CENPK: variants seen among roughly 807,000 people sequenced by gnomAD.
CENPK encodes centromere protein K.
CENPK carries 46 observed loss-of-function variants against 40.9 expected under a neutral mutation model. The observed-to-expected ratio is 1.13, with a 90% CI of 0.89 to 1.44. The LOEUF (loss-of-function observed/expected upper bound fraction) is 1.44, where lower values mean the gene tolerates loss of function less well. Among genes scored for constraint, CENPK ranks in the 40% most tolerant of loss-of-function variants. The pLI is 0.00. For synonymous variants in CENPK, 107 were observed against 104.4 expected, an observed-to-expected ratio of 1.02 and a Z score of -0.15; for missense variants, 288 against 303.5, an observed-to-expected ratio of 0.95 and a Z score of 0.38.
At chr5:65,538,723 C>T (rs1747407325) in intron 6 of CENPK, among the ~76,000 whole-genome samples, 1 of 152,182 alleles carries the variant, frequency 6.6e-6, no homozygotes. Context: ...TTCTGACTTT[C>T]GACCTGCACA....
the CENPK span, among the ~76,000 whole-genome samples, chr5:65,506,896 T>C: frequency 6.6e-6 from 1 of 152,212 alleles, no homozygotes; most frequent in African/African-American, 2.4e-5. Context: ...CAAGACTAAA[T>C]AAATGTTCCA....
At chr5:65,517,186 G>A (rs763637311), downstream of CENPK, among the ~76,000 whole-genome samples, 17 of 152,004 alleles carry the variant, frequency 1.1e-4, no homozygotes, top group Non-Finnish European at 2.1e-4. Context: ...CAAGTGATCC[G>A]CCCACCTCGG....
At chr5:65,514,263 G>GTTTTTTTTTTTTTTTTTTTTTTTTTTT (rs59636233), downstream of CENPK, among the ~76,000 whole-genome samples, 2 of 27,728 alleles carry the variant, frequency 7.2e-5, no homozygotes, top group Non-Finnish European at 1.3e-4. Flanking sequence ...TTTTTTTTTA[G>GTTTTTTTTTTTTTTTTTTTTTTTTTTT]TTTTTTTTAG....
At position 65,551,599 on chromosome 5, in the gene CENPK, G is replaced by A. The variant is rs1406983239; in HGVS notation, c.206C>T (p.Ala69Val). ...LLIMQVKCLT[A>V]ELSQWQKKTP... ...TTTTTTCTGCCATTGACTGAGTTCA[G>A]CGGTTAAACATTTTACTTGCATAAT... Residue 69 changes from alanine (A) to valine (V), a missense_variant, in exon 5 of 11, where the codon GCT becomes GTT. Coordinates refer to ENST00000396679, the MANE Select transcript of CENPK (RefSeq NM_022145.5). The A allele has an allele frequency of 5.7e-6, 9 of 1,575,384 alleles. No individual in the cohort carries two copies. The highest frequency in any genetic ancestry group is 7.8e-6 in the Non-Finnish European group (9 of 1,160,912).
At chr5:65,521,383 A>T (rs1423808194) in intron 10 of CENPK, 92 bp downstream of exon 10, 2 of 779,146 alleles carry the variant, frequency 2.6e-6, no homozygotes, top group Non-Finnish European at 4.3e-6. Context: ...TTAAGAATTA[A>T]AGCAGTATTT....
the CENPK span, among the ~76,000 whole-genome samples, chr5:65,497,622 G>A: frequency 6.6e-6 from 1 of 152,178 alleles, no homozygotes; most frequent in African/African-American, 2.4e-5. Flanking sequence ...TAATGGGAAG[G>A]GGATAACACA....
chr5:65,503,138 T>C, the CENPK span, among the ~76,000 whole-genome samples: 1 of 130,862 alleles, frequency 7.6e-6, no homozygotes, highest in Non-Finnish European at 1.6e-5. Context: ...TGAGACAGAG[T>C]CTCACTCTGT....
At chr5:65,506,232 A>G in the CENPK span, among the ~76,000 whole-genome samples, 1 of 151,944 alleles carries the variant, frequency 6.6e-6, no homozygotes, top group African/African-American at 2.4e-5. Flanking sequence ...AAAAAAAAAA[A>G]AATTAGCATG....
chr5:65,509,442 T>A, the CENPK span, among the ~76,000 whole-genome samples: 1 of 152,222 alleles, frequency 6.6e-6, no homozygotes, highest in Admixed American at 6.5e-5. Flanking sequence ...GGCATTATGG[T>A]TCTTCCATGT....
downstream of CENPK, among the ~76,000 whole-genome samples, chr5:65,517,198 C>G (rs572820248): frequency 6.6e-6 from 1 of 152,286 alleles, no homozygotes; most frequent in East Asian, 1.9e-4. Flanking sequence ...CCACCTCGGC[C>G]TCCCAAAGTG....
chr5:65,559,591 T>C (rs1751604623), intron 2 of CENPK, among the ~76,000 whole-genome samples: 1 of 141,782 alleles, frequency 7.1e-6, no homozygotes, highest in South Asian at 2.2e-4. Flanking sequence ...ATCCCGCCAC[T>C]GCACTCCAGC....
chr5:65,551,686 T>C (rs757782983), intron 4 of CENPK, 50 bp from the exon 5 acceptor site: 43 of 992,960 alleles, frequency 4.3e-5, no homozygotes, highest in Non-Finnish European at 5.8e-5. Context: ...TCATACCTAT[T>C]CATAGATGAA....
intron 6 of CENPK, chr5:65,541,509 T>C: frequency 2.2e-6 from 1 of 450,988 alleles, no homozygotes; most frequent in Admixed American, 2.4e-5. Flanking sequence ...TTGTATTGAG[T>C]GGTGACGGAG....
rs1749350748 is a variant in CENPK at position 65,548,191 on chromosome 5, CAACAA to C, written c.241+3368_241+3372del. On this transcript the variant is annotated intron_variant, in intron 5 of 10. Coordinates refer to ENST00000396679, the MANE Select transcript of CENPK (RefSeq NM_022145.5). ...GACCACCACACTAAAGCAAATATCA[CAACAA>C]AACAAGTCACACAAATTTTTTGTTT... 2.6e-5 allele frequency among the ~76,000 whole-genome samples: 4 copies of C among 152,286 alleles called. No individual in the cohort carries two copies. In the Middle Eastern group the frequency reaches 0.01, roughly 388 times the overall value.
chr5:65,537,025 TC>T (rs1247710308), intron 6 of CENPK, among the ~76,000 whole-genome samples: 2 of 152,182 alleles, frequency 1.3e-5, no homozygotes, highest in Non-Finnish European at 2.9e-5. Context: ...CCACCTTCTA[TC>T]CTTTTGCTGT....
At chr5:65,551,524 T>C (rs112811344) in intron 5 of CENPK, 40 bp downstream of exon 5, 27 of 1,092,312 alleles carry the variant, frequency 2.5e-5, no homozygotes, top group African/African-American at 1.8e-4. Context: ...TTGCTATTAA[T>C]AGGTTTACAA....
chr5:65,524,505 A>C (rs530493614), intron 9 of CENPK: 1 of 151,952 alleles, frequency 6.6e-6, no homozygotes, highest in East Asian at 1.9e-4. Flanking sequence ...CAAAAAAAAA[A>C]AAACCCCCCC....
intron 6 of CENPK, among the ~76,000 whole-genome samples, chr5:65,538,392 C>T (rs1339096715): frequency 6.6e-6 from 1 of 152,076 alleles, no homozygotes; most frequent in Non-Finnish European, 1.5e-5. Flanking sequence ...GGCCACCCTA[C>T]TTTTTCACTG....
chr5:65,525,740 G>A (rs192179154), intron 9 of CENPK, among the ~76,000 whole-genome samples: 14 of 152,292 alleles, frequency 9.2e-5, no homozygotes, highest in African/African-American at 2.6e-4. Context: ...AATCCAATAT[G>A]AATGGTTTCC....
Sources: allele counts gnomAD v4.1 joint callset (sites outside exome capture counted in the v4.1 genomes callset), GRCh38; gene constraint gnomAD v4.1.1; transcripts MANE v1.5; gene names NCBI Gene and HGNC (gene_info 2026-07-23, HGNC 2026-07-21).